SNX4: variants seen among roughly 807,000 people sequenced by gnomAD.
The protein encoded by SNX4 is sorting nexin-4.
SNX4 carries 49 observed loss-of-function variants against 70.8 expected under a neutral mutation model. The observed-to-expected ratio is 0.69, with a 90% CI of 0.55 to 0.88. SNX4 has a LOEUF of 0.88. Among genes scored for constraint, SNX4 ranks in the 40% least tolerant of loss-of-function variants. The pLI is 0.00. For missense variants in SNX4, 528 were observed against 544.8 expected (o/e 0.97, Z 0.31); for synonymous variants, 206 against 183.8 (o/e 1.12, Z -0.98).
intron 9 of SNX4, among the ~76,000 whole-genome samples, chr3:125,464,193 T>C (rs1356255353): frequency 6.6e-6 from 1 of 152,208 alleles, no homozygotes; most frequent in African/African-American, 2.4e-5. Flanking sequence ...TTTCTCATCG[T>C]CTGCAACTGA....
chr3:125,486,751 T>G (rs1353915772), intron 6 of SNX4, among the ~76,000 whole-genome samples: 1 of 152,172 alleles, frequency 6.6e-6, no homozygotes, highest in Non-Finnish European at 1.5e-5. Context: ...TGGGCACATC[T>G]CTTTTAAGAA....
chr3:125,452,589 T>A (rs1030587285), intron 12 of SNX4, among the ~76,000 whole-genome samples: 2 of 151,892 alleles, frequency 1.3e-5, no homozygotes, highest in Non-Finnish European at 2.9e-5. Context: ...CTCAAAAAAA[T>A]GAAAAATAAT....
In SNX4 at chr3:125,453,847, C is replaced by T. The variant is rs1325658455; in HGVS notation, c.1153G>A (p.Gly385Arg). Residue 385 changes from glycine (G) to arginine (R), a missense_variant, in exon 12 of 14, where the codon GGA (glycine) becomes AGA (arginine). Gly to Arg is a moderately radical substitution (Grantham distance 125). Around this residue, in one of 3 missense-constraint regions of SNX4, gnomAD observed 159 missense variants for 172.6 expected, o/e 0.92. Transcript: ENST00000251775. ...IKVLEEQINEGEQQLKSKNLE... is the reference protein window; with the variant it reads ...IKVLEEQINEREQQLKSKNLE... ...TTTTTAGACTTTAGCTGTTGTTCTC[C>T]TTCATTTATTTGTTCTTCTAGCACC... 1 of 1,613,750 alleles carries T rather than the reference C, an allele frequency of 6.2e-7. No homozygotes were observed. The highest frequency in any genetic ancestry group is 8.5e-7 in the Non-Finnish European group (1 of 1,179,910).
chr3:125,513,233 G>A (rs539485520), intron 1 of SNX4, among the ~76,000 whole-genome samples: 1 of 152,242 alleles, frequency 6.6e-6, no homozygotes, highest in African/African-American at 2.4e-5. Context: ...ACCATGTGAG[G>A]ACACAGTGAA....
At chr3:125,492,245 A>G (rs1020782999) in intron 5 of SNX4, among the ~76,000 whole-genome samples, 3 of 152,102 alleles carry the variant, frequency 2.0e-5, no homozygotes, top group African/African-American at 7.2e-5. Flanking sequence ...TACCTAGTAA[A>G]GCACACCCAG....
intron 10 of SNX4, among the ~76,000 whole-genome samples, chr3:125,460,066 C>T (rs1202247851): frequency 1.3e-5 from 2 of 151,478 alleles, no homozygotes; most frequent in African/African-American, 2.4e-5. Context: ...TGTTGGCGGG[C>T]GCCTGTAATC....
intron 9 of SNX4, among the ~76,000 whole-genome samples, chr3:125,463,155 G>A (rs540078347): frequency 5.9e-5 from 9 of 152,264 alleles, no homozygotes; most frequent in African/African-American, 2.2e-4. Context: ...TATGCTAAGG[G>A]TCATTTGAAA....
chr3:125,453,948 C>G lies in SNX4; in HGVS notation c.1052G>C (p.Arg351Thr). ...AGTCATTCCCTTCAAAGAGAATGTT[C>G]TCACAGTCTAAAAGGAAACAGAAAC... The part of the protein sequence containing the change: ...QCEELVTGTV[R>T]TFSLKGMTTK... The change falls in exon 12 of 14, where the codon AGA (arginine) becomes ACA (threonine). Residue 351 changes from arginine (R) to threonine (T), a missense_variant. By Grantham distance (71) the Arg-to-Thr change is moderately conservative. Transcript: ENST00000251775. The G allele has an allele frequency of 1.2e-6, 2 of 1,612,800 alleles. No homozygotes were observed. The highest frequency in any genetic ancestry group is 8.5e-7 in the Non-Finnish European group (1 of 1,179,508).
At chr3:125,491,848 C>A (rs754633542) in intron 5 of SNX4, among the ~76,000 whole-genome samples, 17 of 152,126 alleles carry the variant, frequency 1.1e-4, no homozygotes, top group Non-Finnish European at 2.4e-4. Context: ...GTGGCTTATG[C>A]CTGTAATCCC....
intron 1 of SNX4, among the ~76,000 whole-genome samples, chr3:125,507,450 G>C (rs1013253359): frequency 6.6e-6 from 1 of 152,002 alleles, no homozygotes; most frequent in Non-Finnish European, 1.5e-5. Flanking sequence ...AGTAAGGAGA[G>C]GGGAGAGAGA....
Position 125,519,948 on chromosome 3 carries a change from G to GGCCCGGCCCAGCTCAGCCCA in SNX4, c.141+83_141+84insTGGGCTGAGCTGGGCCGGGC, listed in dbSNP as rs1396366108. On this transcript the variant is annotated intron_variant, in intron 1 of 13. Transcript: ENST00000251775. Reference sequence around the variant, plus strand: ...TCGGCCGAGCCCACTGGCCCGGCCCGGCCCAGCCCAGCCCAGCCCAGCCCA... The same window carrying GGCCCGGCCCAGCTCAGCCCA: ...TCGGCCGAGCCCACTGGCCCGGCCCGGCCCGGCCCAGCTCAGCCCAGCCCAGCCCAGCCCAGCCCAGCCCA... 164 of 775,378 alleles carry GGCCCGGCCCAGCTCAGCCCA rather than the reference G, an allele frequency of 2.1e-4. 6 individuals carry two copies. Among genetic ancestry groups the GGCCCGGCCCAGCTCAGCCCA allele is most frequent in the Middle Eastern group, 1.6e-3 (4 of 2,578 alleles). The allele number at this position is 775,378 out of a possible 1,614,324, so 48.0% of individuals were successfully genotyped here.
At chr3:125,513,951 A>G (rs1211821901) in intron 1 of SNX4, among the ~76,000 whole-genome samples, 2 of 152,080 alleles carry the variant, frequency 1.3e-5, no homozygotes, top group African/African-American at 4.8e-5. Context: ...GAACTGGCAG[A>G]TTCCGCTAGG....
At chr3:125,449,315 G>A (rs1007856374) in intron 13 of SNX4, 5 of 151,686 alleles carry the variant, frequency 3.3e-5, no homozygotes, top group African/African-American at 9.7e-5. Flanking sequence ...CCATCTACTC[G>A]GCTGGATGAG....
chr3:125,520,035 G>A lies in SNX4; in HGVS notation c.138C>T (p.Asp46=). ...CTCTGCCGCCCCTTCTCCTCACCGT[G>A]TCGACCCCAGAGCTCTCTTCTCCGG... is the stretch of plus-strand genomic sequence containing the variant. ...EGAGEESSGV[D]TMTHNNFWLK... is the part of the protein sequence containing the mutation. Residue 46 remains aspartate, a synonymous_variant, in exon 1 of 14, where the codon GAC becomes GAT. Transcript: ENST00000251775. The A allele has an allele frequency of 6.4e-7, 1 of 1,563,728 alleles. No individual in the cohort carries two copies. The highest frequency in any genetic ancestry group is 1.4e-5 in the African/African-American group (1 of 70,038).
At chr3:125,475,531 A>G (rs1479516666) in intron 8 of SNX4, among the ~76,000 whole-genome samples, 1 of 152,114 alleles carries the variant, frequency 6.6e-6, no homozygotes, top group Admixed American at 6.5e-5. Flanking sequence ...TGCCTGGCTA[A>G]TTTTTGTATT....
chr3:125,497,872 G>C lies in SNX4; in HGVS notation c.511C>G (p.Leu171Val), dbSNP rs765838310. Reference protein sequence around the residue: ...FLLRIASHPILCRDKIFYLFL... With the variant: ...FLLRIASHPIVCRDKIFYLFL... The stretch of plus-strand genomic sequence containing the variant: ...AGATAGAAGATTTTGTCTCTACAAA[G>C]GATGGGATGTGAAGCAATCCTCAAG... Residue 171 changes from leucine to valine, a missense_variant, in exon 4 of 14, where the codon CTT becomes GTT. Leu to Val is a conservative substitution (Grantham distance 32, BLOSUM62 1). This residue lies in a region of SNX4 where 341 missense variants were observed against 312.2 expected (regional missense o/e 1.09). Coordinates refer to ENST00000251775, the MANE Select transcript of SNX4 (RefSeq NM_003794.4). The C allele has an allele frequency of 3.1e-6, 5 of 1,613,706 alleles. No individual in the cohort carries two copies. The Admixed American group carries it at 8.3e-5, about 27-fold the overall frequency.
intron 2 of SNX4, 108 bp from the exon 3 acceptor site, chr3:125,498,302 C>T (rs1934855251): frequency 2.9e-6 from 3 of 1,037,838 alleles, no homozygotes; most frequent in South Asian, 1.7e-5. Context: ...GAACCAGGCA[C>T]TAAGTAAAGA....
At chr3:125,474,777 TA>T (rs1559814997) in intron 8 of SNX4, among the ~76,000 whole-genome samples, 1 of 152,216 alleles carries the variant, frequency 6.6e-6, no homozygotes, top group Non-Finnish European at 1.5e-5. Flanking sequence ...TCAAATTAAT[TA>T]AAAAGTTCAT....
At position 125,446,920 on chromosome 3, in the gene SNX4, G is replaced by A. The variant is rs1933438629; in HGVS notation, c.*859C>T. 6.6e-6 allele frequency: 1 copy of A among 152,550 alleles called. No homozygotes were observed. The highest frequency in any genetic ancestry group is 1.5e-5 in the Non-Finnish European group (1 of 68,014). The allele number at this position is 152,550 out of a possible 1,614,324, so 9.4% of individuals were successfully genotyped here. A position where few individuals can be genotyped will look rare whatever the true frequency, so the allele number is the denominator to read the frequency against. ...CAGCCAAGCAATAGAAAAGAAGGAT[G>A]TTAATGATGAAGATAGCAACACATA... is the stretch of plus-strand genomic sequence containing the variant. On this transcript the variant is annotated 3_prime_UTR_variant, in exon 14 of 14. Transcript: ENST00000251775.
Sources: gnomAD v4.1 joint callset for allele counts (sites outside exome capture counted in the v4.1 genomes callset) on GRCh38, gnomAD v4.1.1 for gene constraint, gnomAD v4.1.1 regional missense constraint, MANE v1.5 for transcripts, NCBI Gene and HGNC (gene_info 2026-07-23, HGNC 2026-07-21) for gene names.